ANKMY1: variants seen among roughly 807,000 people sequenced by gnomAD.
ANKMY1 encodes the protein ankyrin repeat and MYND domain containing 1, also known as ankyrin repeat and MYND domain-containing protein 1.
In ANKMY1, 98 loss-of-function variants were observed where a neutral mutation model predicts 102.0. The ratio of observed to expected loss-of-function variants is 0.96; its 90% CI spans 0.82 to 1.14. The LOEUF (loss-of-function observed/expected upper bound fraction) is 1.14. ANKMY1 is among the 50% of genes most tolerant of loss of function. The pLI is 0.00. For missense variants in ANKMY1, 1,330 were observed against 1,347.6 expected (o/e 0.99, Z 0.20); for synonymous variants, 582 against 559.9 (o/e 1.04, Z -0.56).
intron 15 of ANKMY1, among the ~76,000 whole-genome samples, chr2:240,493,100 G>T (rs747493313): frequency 9.9e-5 from 15 of 152,076 alleles, no homozygotes; most frequent in Non-Finnish European, 2.2e-4. Flanking sequence ...GAGGTGGGTG[G>T]ATCATCAGGT....
rs2077851992 is a variant in ANKMY1, at chr2:240,499,811, G to T, written c.2806+147C>A. On this transcript the variant is annotated intron_variant, in intron 15 of 17. Transcript: ENST00000401804. This position sits in a 1 kb window ranked among gnomAD's most constrained non-coding sequence, Gnocchi z 4.2. ...CCTGGACGAGCTCCTTGGACGACGGGACACAAAGGGGACAAGCCGACGAGC... is the reference window on the plus strand; with the variant it reads ...CCTGGACGAGCTCCTTGGACGACGGTACACAAAGGGGACAAGCCGACGAGC... The T allele has an allele frequency of 1.1e-5, 12 of 1,054,818 alleles. No individual in the cohort carries two copies. Among genetic ancestry groups the T allele is most frequent in the Non-Finnish European group, 1.6e-5 (12 of 753,672 alleles). 65.3% of individuals were successfully genotyped at this position (1,054,818 alleles called of 1,614,324 possible).
In ANKMY1 at chr2:240,511,905, T is replaced by C. The variant is rs777092936; in HGVS notation, c.2242A>G (p.Arg748Gly). The part of the protein sequence containing the change: ...TDTALPEEGG[R>G]TALHMACERE... The stretch of plus-strand genomic sequence containing the variant: ...TCGCAGGCCATGTGCAGAGCCGTCC[T>C]GCCCCCCTCCTCCGGGAGGGCTGTG... Residue 748 changes from arginine (R) to glycine (G), a missense_variant, in exon 11 of 18, where the codon AGG becomes GGG. Transcript: ENST00000401804. 4.4e-6 allele frequency: 7 copies of C among 1,586,878 alleles called. No homozygotes were observed. The highest frequency in any genetic ancestry group is 6.0e-6 in the Non-Finnish European group (7 of 1,172,384).
intron 11 of ANKMY1, among the ~76,000 whole-genome samples, chr2:240,511,583 C>A (rs2080188447): frequency 6.6e-6 from 1 of 152,256 alleles, no homozygotes; most frequent in African/African-American, 2.4e-5. Context: ...ACGGTCACAG[C>A]CCAGGCCAGA....
intron 16 of ANKMY1, 86 bp from the exon 17 acceptor site, chr2:240,481,183 CCT>C: frequency 6.6e-7 from 1 of 1,509,336 alleles, no homozygotes; most frequent in Non-Finnish European, 8.9e-7. Flanking sequence ...TGTGCCTGGC[CCT>C]GAGCTCCTGG....
the ANKMY1 span, among the ~76,000 whole-genome samples, chr2:240,474,239 G>A: frequency 5.6e-4 from 83 of 149,380 alleles, no homozygotes; most frequent in South Asian, 1.3e-3. Context: ...GGGACTACAG[G>A]CGCCCACCAC....
chr2:240,500,215 T>C, intron 14 of ANKMY1, 92 bp from the exon 15 acceptor site: 2 of 1,428,760 alleles, frequency 1.4e-6, no homozygotes, highest in Non-Finnish European at 1.9e-6. Flanking sequence ...TGTCAGCTCT[T>C]GTGATATATA....
chr2:240,526,474 T>C (rs370446597), intron 5 of ANKMY1, 29 bp from the exon 6 acceptor site: 174 of 1,613,428 alleles, frequency 1.1e-4, no homozygotes, highest in Non-Finnish European at 1.4e-4. Flanking sequence ...TCAGTGGTCC[T>C]AGACCAGGTT....
chr2:240,546,773 C>T (rs1314568005), intron 4 of ANKMY1, among the ~76,000 whole-genome samples: 1 of 152,238 alleles, frequency 6.6e-6, no homozygotes, highest in Non-Finnish European at 1.5e-5. Flanking sequence ...AAGGCCATTA[C>T]ATAATGGTAA....
intron 4 of ANKMY1, among the ~76,000 whole-genome samples, chr2:240,538,767 C>CG (rs2087697205): frequency 6.6e-6 from 1 of 152,164 alleles, no homozygotes; most frequent in Admixed American, 6.5e-5. Flanking sequence ...ACTTTTGTGT[C>CG]TAGCTAAAGG....
intron 15 of ANKMY1, among the ~76,000 whole-genome samples, chr2:240,488,300 T>G (rs943591298): frequency 6.6e-6 from 1 of 152,216 alleles, no homozygotes; most frequent in African/African-American, 2.4e-5. Flanking sequence ...GTGTTATTTC[T>G]GGGTTCTTTA....
chr2:240,526,554 C>A (rs1445559666), intron 5 of ANKMY1, 109 bp from the exon 6 acceptor site: 4 of 1,522,922 alleles, frequency 2.6e-6, no homozygotes, highest in Non-Finnish European at 3.5e-6. Context: ...TGTGGCTCAG[C>A]CCCCCACTGT....
At chr2:240,541,314 G>A (rs550803667) in intron 4 of ANKMY1, among the ~76,000 whole-genome samples, 21 of 152,210 alleles carry the variant, frequency 1.4e-4, no homozygotes, top group South Asian at 2.1e-4. Context: ...GACACTCTTG[G>A]GGCTTCTTTC....
upstream of ANKMY1, chr2:240,561,051 G>T: frequency 6.6e-7 from 1 of 1,504,484 alleles, no homozygotes; most frequent in South Asian, 1.3e-5. Flanking sequence ...GCGGCACCGC[G>T]GCCTCAGCCT....
At position 240,520,523 on chromosome 2, in the gene ANKMY1, G is replaced by T. The variant is rs746420955; in HGVS notation, c.1843C>A (p.Arg615Ser). The change falls in exon 9 of 18, where the codon CGC (arginine) becomes AGC (serine). Residue 615 changes from arginine to serine, a missense_variant. Physicochemically the swap from Arg to Ser is moderately radical, Grantham distance 110. Coordinates refer to ENST00000401804, the MANE Select transcript of ANKMY1 (RefSeq NM_001282771.3). This position sits in a 1 kb window ranked among gnomAD's most constrained non-coding sequence, Gnocchi z 4.8. ...MALSMIERRKRWRTIKLLLRR... is the reference protein window; with the variant it reads ...MALSMIERRKSWRTIKLLLRR... ...AGCAGCAGCTTGATGGTCCGCCAGCGCTTCCTCCGCCTGAAAAAGACGGTG... is the reference window on the plus strand; with the variant it reads ...AGCAGCAGCTTGATGGTCCGCCAGCTCTTCCTCCGCCTGAAAAAGACGGTG... The T allele has an allele frequency of 1.2e-6, 2 of 1,611,568 alleles. No homozygotes were observed. The highest frequency in any genetic ancestry group is 1.7e-5 in the Admixed American group (1 of 59,742).
intron 17 of ANKMY1, 99 bp from the exon 18 acceptor site, chr2:240,479,754 G>T: frequency 9.4e-7 from 1 of 1,064,462 alleles, no homozygotes; most frequent in South Asian, 1.3e-5. Flanking sequence ...GGCGGCTGAG[G>T]ACTGTGCTCT....
chr2:240,560,598 C>CG, upstream of ANKMY1: 1 of 1,332,310 alleles, frequency 7.5e-7, no homozygotes, highest in South Asian at 1.9e-5. Context: ...GCGGCCCGCC[C>CG]GGCTCCCACA....
the ANKMY1 span, among the ~76,000 whole-genome samples, chr2:240,469,544 C>T: frequency 2.6e-5 from 4 of 152,232 alleles, no homozygotes; most frequent in African/African-American, 9.6e-5. Flanking sequence ...TCAGCCCAGC[C>T]GTGGTGGGTG....
Position 240,557,231 on chromosome 2 carries a change from C to G in ANKMY1, c.105G>C (p.Glu35Asp). 1 of 1,591,410 alleles carries G rather than the reference C, an allele frequency of 6.3e-7. No homozygotes were observed. The highest frequency in any genetic ancestry group is 8.6e-7 in the Non-Finnish European group (1 of 1,168,092). Reference protein sequence around the residue: ...EGKGGETPAAEEPGSLKNYAV... With the variant: ...EGKGGETPAADEPGSLKNYAV... Reference sequence around the variant, plus strand: ...CGTAGTTCTTCAGGGACCCCGGCTCCTCGGCAGCAGGGGTCTCGCCGCCCT... The same window carrying G: ...CGTAGTTCTTCAGGGACCCCGGCTCGTCGGCAGCAGGGGTCTCGCCGCCCT... The change falls in exon 2 of 18, where the codon GAG becomes GAC. Residue 35 changes from glutamate (E) to aspartate (D), a missense_variant. By Grantham distance (45) the Glu-to-Asp change is conservative (BLOSUM62 2). Coordinates refer to ENST00000401804, the MANE Select transcript of ANKMY1 (RefSeq NM_001282771.3).
chr2:240,555,214 G>A lies in ANKMY1; in HGVS notation c.147-159C>T, dbSNP rs2092167599. The A allele has an allele frequency of 1.1e-5, 8 of 740,592 alleles. No individual in the cohort carries two copies. In the South Asian group the frequency reaches 1.2e-4, roughly 12 times the overall value. The allele number at this position is 740,592 out of a possible 1,614,324, so 45.9% of individuals were successfully genotyped here. ...CCACTCCACTTGGAGAGAAAACCGA[G>A]GCACAGAGGGTGCAGCGATTGCCCA... On this transcript the variant is annotated intron_variant, in intron 2 of 17. Coordinates refer to ENST00000401804, the MANE Select transcript of ANKMY1 (RefSeq NM_001282771.3).
Sources: gnomAD v4.1 joint callset for allele counts (sites outside exome capture counted in the v4.1 genomes callset) on GRCh38, gnomAD v4.1.1 for gene constraint, Gnocchi (gnomAD v3.1) non-coding constraint, MANE v1.5 for transcripts, NCBI Gene and HGNC (gene_info 2026-07-23, HGNC 2026-07-21) for gene names.